PRKAG2: variants seen among roughly 807,000 people sequenced by gnomAD.
The protein encoded by PRKAG2 is protein kinase AMP-activated non-catalytic subunit gamma 2.
PRKAG2 carries 26 observed loss-of-function variants against 69.6 expected under a neutral mutation model. The observed-to-expected ratio is 0.37, with a 90% CI of 0.27 to 0.52. The LOEUF (loss-of-function observed/expected upper bound fraction) is 0.52. PRKAG2 is among the 20% of genes least tolerant of loss of function. The pLI is 0.90. For missense variants in PRKAG2, 557 were observed against 740.0 expected (o/e 0.75, Z 2.87); for synonymous variants, 293 against 285.0 (o/e 1.03, Z -0.28).
intron 3 of PRKAG2, among the ~76,000 whole-genome samples, chr7:151,773,015 A>T (rs1279426602): frequency 5.3e-5 from 1 of 18,916 alleles, no homozygotes; most frequent in African/African-American, 3.6e-4. Context: ...GAAAGAAAGA[A>T]AGAAAGAAAG....
At chr7:151,712,362 C>T (rs574888843) in intron 3 of PRKAG2, among the ~76,000 whole-genome samples, 9 of 152,282 alleles carry the variant, frequency 5.9e-5, no homozygotes, top group Admixed American at 2.0e-4. Flanking sequence ...GGGTGGCCAC[C>T]GCAGGAGACT....
intron 5 of PRKAG2, among the ~76,000 whole-genome samples, chr7:151,605,186 CT>C (rs1451769311): frequency 2.6e-5 from 4 of 151,438 alleles, no homozygotes; most frequent in Non-Finnish European, 1.5e-5. Flanking sequence ...CTGGCTAATC[CT>C]TGTATTTTTA....
At chr7:151,751,846 C>T (rs145755586) in intron 3 of PRKAG2, among the ~76,000 whole-genome samples, 1,805 of 152,260 alleles carry the variant, frequency 0.012, 16 homozygotes, top group Non-Finnish European at 0.019. Flanking sequence ...TTTAGGTTGT[C>T]TCTAATACAT....
intron 6 of PRKAG2, among the ~76,000 whole-genome samples, chr7:151,589,709 G>A (rs578052984): frequency 1.3e-5 from 2 of 152,322 alleles, no homozygotes; most frequent in East Asian, 3.9e-4. Context: ...GCTGAGGCGG[G>A]CAGGTCAAGA....
chr7:151,646,582 C>A (rs1827598944), intron 4 of PRKAG2, among the ~76,000 whole-genome samples: 1 of 152,118 alleles, frequency 6.6e-6, no homozygotes, highest in Non-Finnish European at 1.5e-5. Context: ...TTGTAGATTT[C>A]TTAGGATTTT....
intron 3 of PRKAG2, among the ~76,000 whole-genome samples, chr7:151,686,545 C>T (rs778079252): frequency 3.3e-5 from 5 of 152,170 alleles, no homozygotes; most frequent in Admixed American, 6.5e-5. Context: ...ATGCAGCTGC[C>T]GGCCAGGCCA....
chr7:151,753,319 A>G (rs2074843988), intron 3 of PRKAG2, among the ~76,000 whole-genome samples: 2 of 152,226 alleles, frequency 1.3e-5, no homozygotes, highest in African/African-American at 4.8e-5. Flanking sequence ...GATTTTGACA[A>G]TTATACTGTG....
intron 14 of PRKAG2, among the ~76,000 whole-genome samples, chr7:151,563,825 G>A (rs866974066): frequency 6.6e-6 from 1 of 152,318 alleles, no homozygotes; most frequent in African/African-American, 2.4e-5. Context: ...AACTATGAAT[G>A]TATCTTACCA....
At chr7:151,591,462 G>A (rs966970841) in intron 6 of PRKAG2, among the ~76,000 whole-genome samples, 6 of 152,156 alleles carry the variant, frequency 3.9e-5, no homozygotes, top group African/African-American at 1.2e-4. Context: ...GATATGTGCC[G>A]GGCAGAGCAT....
rs575674668 is a variant in PRKAG2 at position 151,562,244 on chromosome 7, C to CAAAAAAAAAA, written c.1585-1637_1585-1628dup. ...TGGGCGACAGAGTGAGACTTTGTCT[C>CAAAAAAAAAA]AAAAAAAAAAAAAAAAAAAAAAAAA... On this transcript the variant is annotated intron_variant, in intron 14 of 15. Coordinates refer to ENST00000287878, the MANE Select transcript of PRKAG2 (RefSeq NM_016203.4). 1.3e-3 allele frequency among the ~76,000 whole-genome samples: 51 copies of CAAAAAAAAAA among 38,472 alleles called. 4 individuals carry two copies. Among genetic ancestry groups the CAAAAAAAAAA allele is most frequent in the East Asian group, 2.9e-3 (4 of 1,378 alleles). 25.2% of individuals were successfully genotyped at this position (38,472 alleles called of 152,430 possible).
At chr7:151,792,776 C>A (rs1048551678) in intron 1 of PRKAG2, among the ~76,000 whole-genome samples, 5 of 152,228 alleles carry the variant, frequency 3.3e-5, no homozygotes, top group African/African-American at 1.2e-4. Flanking sequence ...AGCAACACAT[C>A]GAGAATGATT....
chr7:151,736,344 A>T, intron 3 of PRKAG2: 3 of 1,060,202 alleles, frequency 2.8e-6, no homozygotes, highest in Non-Finnish European at 3.5e-6. Context: ...GGATTTGTTG[A>T]TGTAGTTAAG....
chr7:151,599,522 C>A (rs1214146714), intron 5 of PRKAG2, among the ~76,000 whole-genome samples: 8 of 152,110 alleles, frequency 5.3e-5, no homozygotes, highest in Non-Finnish European at 8.8e-5. Context: ...AACAGCAGTC[C>A]CTAGGACTGG....
intron 1 of PRKAG2, among the ~76,000 whole-genome samples, chr7:151,802,492 AG>A (rs1374754936): frequency 6.6e-6 from 1 of 152,190 alleles, no homozygotes; most frequent in African/African-American, 2.4e-5. Context: ...GGAACTCCAC[AG>A]GTGGAGGGGA....
At chr7:151,690,310 G>A (rs539469783) in intron 3 of PRKAG2, among the ~76,000 whole-genome samples, 213 of 152,246 alleles carry the variant, frequency 1.4e-3, no homozygotes, top group Non-Finnish European at 1.9e-3. Flanking sequence ...AGCTCGCTTC[G>A]CGGGGAGGGA....
At chr7:151,633,493 T>G (rs1585384445) in intron 4 of PRKAG2, among the ~76,000 whole-genome samples, 1 of 150,276 alleles carries the variant, frequency 6.7e-6, no homozygotes, top group East Asian at 2.0e-4. Flanking sequence ...GTTATCTACA[T>G]ACAAAATATC....
At chr7:151,822,535 C>T (rs1046939847) in intron 1 of PRKAG2, among the ~76,000 whole-genome samples, 2 of 152,180 alleles carry the variant, frequency 1.3e-5, no homozygotes, top group African/African-American at 4.8e-5. Context: ...TCCCTTGGGG[C>T]TGGGCTGCAC....
At chr7:151,820,757 C>A (rs1004208091) in intron 1 of PRKAG2, among the ~76,000 whole-genome samples, 14 of 152,252 alleles carry the variant, frequency 9.2e-5, no homozygotes, top group Non-Finnish European at 1.5e-4. Context: ...GAGATGAGCG[C>A]CACCTTCAAC....
chr7:151,875,297 T>A (rs1171227324), intron 1 of PRKAG2, among the ~76,000 whole-genome samples: 4 of 152,118 alleles, frequency 2.6e-5, no homozygotes, highest in Non-Finnish European at 4.4e-5. Context: ...GACTCCACCC[T>A]CTTCACCCAA....
Sources: gnomAD v4.1 joint callset for allele counts (sites outside exome capture counted in the v4.1 genomes callset) on GRCh38, gnomAD v4.1.1 for gene constraint, MANE v1.5 for transcripts, NCBI Gene and HGNC (gene_info 2026-07-23, HGNC 2026-07-21) for gene names.